LRRC8D: variants seen among roughly 807,000 people sequenced by gnomAD.
LRRC8D encodes volume-regulated anion channel subunit LRRC8D.
Under a neutral mutation model 55.8 loss-of-function variants are expected in LRRC8D, and 20 were observed. The ratio of observed to expected loss-of-function variants is 0.36; its 90% CI spans 0.25 to 0.52. The LOEUF (loss-of-function observed/expected upper bound fraction) is 0.52. Among genes scored for constraint, LRRC8D ranks in the 20% least tolerant of loss-of-function variants. LRRC8D has a pLI of 0.93. For missense variants in LRRC8D, 651 were observed against 1,030.8 expected (o/e 0.63, Z 5.05); for synonymous variants, 352 against 377.0 (o/e 0.93, Z 0.77).
Position 89,821,090 on chromosome 1 carries a change from G to A in LRRC8D, c.-349G>A. ...TCCCGTCGCCGCTGCTGCCGCTGCCGCTGCCGCCGCCCGTGGTGCCCCGGC... is the reference window on the plus strand; with the variant it reads ...TCCCGTCGCCGCTGCTGCCGCTGCCACTGCCGCCGCCCGTGGTGCCCCGGC... On this transcript the variant is annotated 5_prime_UTR_variant, in exon 1 of 3. Transcript: ENST00000337338. 1 of 153,606 alleles carries A rather than the reference G, an allele frequency of 6.5e-6. No individual in the cohort carries two copies. Among genetic ancestry groups the A allele is most frequent in the Non-Finnish European group, 1.5e-5 (1 of 68,668 alleles). 9.5% of individuals were successfully genotyped at this position (153,606 alleles called of 1,614,324 possible). A position where few individuals can be genotyped will look rare whatever the true frequency, so the allele number is the denominator to read the frequency against.
intron 2 of LRRC8D, among the ~76,000 whole-genome samples, chr1:89,899,070 G>A (rs1414006728): frequency 1.3e-5 from 2 of 152,176 alleles, no homozygotes; most frequent in Non-Finnish European, 2.9e-5. Context: ...AAACACCCAG[G>A]CCTTTCATTC....
intron 2 of LRRC8D, among the ~76,000 whole-genome samples, chr1:89,883,110 C>A (rs1662325081): frequency 6.6e-6 from 1 of 152,084 alleles, no homozygotes; most frequent in African/African-American, 2.4e-5. Flanking sequence ...GGGAGGATCC[C>A]TTGAGGCCAG....
At chr1:89,852,355 C>T (rs1162127816) in intron 2 of LRRC8D, among the ~76,000 whole-genome samples, 1 of 152,178 alleles carries the variant, frequency 6.6e-6, no homozygotes, top group Non-Finnish European at 1.5e-5. Context: ...AGTAGCTGTC[C>T]TACCAGCCTT....
In LRRC8D at chr1:89,933,422, A is replaced by G. The variant is rs1478177621; in HGVS notation, c.354A>G (p.Thr118=). 1.2e-6 allele frequency: 2 copies of G among 1,614,194 alleles called. No individual in the cohort carries two copies. Among genetic ancestry groups the G allele is most frequent in the Middle Eastern group, 1.6e-4 (1 of 6,062 alleles). ...DIPLRATYPR[T]DFALPNQEAK... ...CTCTCAGAGCCACATATCCTCGCAC[A>G]GATTTCGCACTTCCAAATCAGGAGG... The change falls in exon 3 of 3, where the codon ACA becomes ACG. Residue 118 remains threonine (T), a synonymous_variant. Transcript: ENST00000337338. The surrounding 1 kb of genome is among the most constrained non-coding windows in gnomAD (Gnocchi z 7.0).
At chr1:89,868,508 A>G (rs1335245831) in intron 2 of LRRC8D, among the ~76,000 whole-genome samples, 1 of 152,148 alleles carries the variant, frequency 6.6e-6, no homozygotes, top group Non-Finnish European at 1.5e-5. Flanking sequence ...TATTTATGTA[A>G]ATATACCTCA....
intron 2 of LRRC8D, among the ~76,000 whole-genome samples, chr1:89,896,335 C>T (rs1486527484): frequency 1.3e-5 from 2 of 152,134 alleles, no homozygotes; most frequent in Non-Finnish European, 1.5e-5. Flanking sequence ...GAGATCGTGT[C>T]GTCTGACATC....
At chr1:89,880,209 A>G (rs372961600) in intron 2 of LRRC8D, among the ~76,000 whole-genome samples, 6 of 150,426 alleles carry the variant, frequency 4.0e-5, no homozygotes, top group African/African-American at 9.8e-5. Context: ...GTAGCTGACT[A>G]TAGAATTTGT....
chr1:89,909,822 T>C (rs2100937475), intron 2 of LRRC8D, among the ~76,000 whole-genome samples: 1 of 146,684 alleles, frequency 6.8e-6, no homozygotes, highest in Admixed American at 6.9e-5. Context: ...GCCGAGATCA[T>C]GCCACTGCAC....
At chr1:89,874,372 G>T (rs1662097446) in intron 2 of LRRC8D, among the ~76,000 whole-genome samples, 1 of 151,884 alleles carries the variant, frequency 6.6e-6, no homozygotes. Context: ...ATAATGAGAT[G>T]GAGTTGGATT....
intron 2 of LRRC8D, among the ~76,000 whole-genome samples, chr1:89,845,902 C>T (rs1661263966): frequency 6.6e-6 from 1 of 152,168 alleles, no homozygotes; most frequent in African/African-American, 2.4e-5. Context: ...CTGCCACAGC[C>T]TCCCGAGTAG....
chr1:89,853,676 CT>C (rs1441796750), intron 2 of LRRC8D, among the ~76,000 whole-genome samples: 1 of 152,116 alleles, frequency 6.6e-6, no homozygotes, highest in African/African-American at 2.4e-5. Flanking sequence ...TAGGGAAAAG[CT>C]GTCAGGTCCT....
intron 2 of LRRC8D, among the ~76,000 whole-genome samples, chr1:89,906,112 T>A (rs1288577753): frequency 6.6e-6 from 1 of 152,246 alleles, no homozygotes; most frequent in Non-Finnish European, 1.5e-5. Context: ...CCTGGTGTTT[T>A]AACTGCCCCC....
Position 89,933,588 on chromosome 1 carries a change from A to C in LRRC8D, c.520A>C (p.Ile174Leu), listed in dbSNP as rs752218122. The change falls in exon 3 of 3, where the codon ATT (isoleucine) becomes CTT (leucine). Residue 174 changes from isoleucine to leucine, a missense_variant. By Grantham distance (5) the Ile-to-Leu change is conservative. Around this residue, in one of 5 missense-constraint regions of LRRC8D, gnomAD observed 178 missense variants for 374.9 expected, o/e 0.47. Transcript: ENST00000337338. The surrounding 1 kb of genome is among the most constrained non-coding windows in gnomAD (Gnocchi z 7.0). ...TCCATACCTAGCTCTTATACATACTATTATTCTCATGGTCAGTAGCAACTT... is the reference window on the plus strand; with the variant it reads ...TCCATACCTAGCTCTTATACATACTCTTATTCTCATGGTCAGTAGCAACTT... ...YFPYLALIHT[I>L]ILMVSSNFWF... The C allele has an allele frequency of 6.2e-7, 1 of 1,614,148 alleles. No individual in the cohort carries two copies. The highest frequency in any genetic ancestry group is 1.1e-5 in the South Asian group (1 of 91,090).
At chr1:89,931,610 T>C (rs1663707476) in intron 2 of LRRC8D, among the ~76,000 whole-genome samples, 1 of 151,604 alleles carries the variant, frequency 6.6e-6, no homozygotes, top group South Asian at 2.1e-4. Flanking sequence ...AATACAAAAA[T>C]TAGGTGGGTG....
intron 1 of LRRC8D, chr1:89,842,959 G>A (rs1661171889): frequency 6.6e-6 from 1 of 152,206 alleles, no homozygotes; most frequent in South Asian, 2.1e-4. Context: ...AGAGACCCTA[G>A]GAGGAACCGA....
intron 2 of LRRC8D, among the ~76,000 whole-genome samples, chr1:89,895,388 C>A (rs1446443548): frequency 2.0e-5 from 3 of 152,152 alleles, no homozygotes; most frequent in Non-Finnish European, 4.4e-5. Flanking sequence ...GAAAAATTCC[C>A]AGCTAGGTAA....
intron 1 of LRRC8D, among the ~76,000 whole-genome samples, chr1:89,829,712 G>T (rs1416934902): frequency 6.6e-6 from 1 of 152,220 alleles, no homozygotes; most frequent in African/African-American, 2.4e-5. Context: ...TAGGCTTCCA[G>T]GCCAATGCTC....
intron 2 of LRRC8D, among the ~76,000 whole-genome samples, chr1:89,912,046 G>A (rs1022852096): frequency 6.6e-6 from 1 of 151,960 alleles, no homozygotes; most frequent in African/African-American, 2.4e-5. Context: ...TCACAAATCT[G>A]TAAATCCCAG....
intron 1 of LRRC8D, among the ~76,000 whole-genome samples, chr1:89,831,058 A>G (rs1660874661): frequency 2.0e-5 from 3 of 151,862 alleles, no homozygotes; most frequent in Non-Finnish European, 4.4e-5. Flanking sequence ...GGTACGCACC[A>G]CCACACCCAG....
Sources: gnomAD v4.1 joint callset for allele counts (sites outside exome capture counted in the v4.1 genomes callset) on GRCh38, gnomAD v4.1.1 for gene constraint, gnomAD v4.1.1 regional missense constraint, Gnocchi (gnomAD v3.1) non-coding constraint, MANE v1.5 for transcripts, NCBI Gene and HGNC (gene_info 2026-07-23, HGNC 2026-07-21) for gene names.